CLASP1: variants seen among roughly 807,000 people sequenced by gnomAD.
CLASP1 encodes cytoplasmic linker associated protein 1, also known as CLIP-associating protein 1.
A neutral mutation model predicts 192.3 loss-of-function variants in CLASP1; 38 were observed. That is an observed-to-expected ratio of 0.20 (90% CI 0.15 to 0.26). The LOEUF (loss-of-function observed/expected upper bound fraction) is 0.26, where lower values mean the gene tolerates loss of function less well. Among genes scored for constraint, CLASP1 ranks in the 10% least tolerant of loss-of-function variants. CLASP1 has a pLI of 1.00. For synonymous variants in CLASP1, 691 were observed against 712.8 expected, an observed-to-expected ratio of 0.97 and a Z score of 0.49; for missense variants, 1,433 against 1,932.5, an observed-to-expected ratio of 0.74 and a Z score of 4.85.
Position 121,587,800 on chromosome 2 carries a change from C to T in CLASP1, c.195+17901G>A, listed in dbSNP as rs536844268. 1.8e-3 allele frequency among the ~76,000 whole-genome samples: 279 copies of T among 150,852 alleles called. 1 individual carries two copies. Among genetic ancestry groups the T allele is most frequent in the African/African-American group, 5.3e-3 (219 of 41,044 alleles). The stretch of plus-strand genomic sequence containing the variant: ...GAGCTGAGATCGCACCACTGCACTC[C>T]AGCCTGGACAACAGAATGAGACTCC... On this transcript the variant is annotated intron_variant, in intron 2 of 39. Transcript: ENST00000263710.
chr2:121,511,417 C>T (rs1254309728), intron 7 of CLASP1, among the ~76,000 whole-genome samples: 2 of 151,868 alleles, frequency 1.3e-5, no homozygotes, highest in African/African-American at 2.4e-5. Context: ...GGAGAAACCC[C>T]GTCTCTACTA....
At chr2:121,527,868 C>G in exon 5 of CLASP1, 1 of 1,613,878 alleles carries the variant, frequency 6.2e-7, no homozygotes, top group Non-Finnish European at 8.5e-7. Context: ...TTTGAAGCCT[C>G]CAAGCATTCT....
At chr2:121,440,479 C>T (rs1010836291) in intron 19 of CLASP1, among the ~76,000 whole-genome samples, 55 of 152,142 alleles carry the variant, frequency 3.6e-4, no homozygotes, top group African/African-American at 1.3e-3. Context: ...GCACGAGGGT[C>T]ACTTGAGTCC....
chr2:121,479,018 A>ACACACACAC (rs2092332468), intron 8 of CLASP1, among the ~76,000 whole-genome samples: 1 of 44,074 alleles, frequency 2.3e-5, no homozygotes, highest in African/African-American at 2.2e-4. Context: ...CACACACACC[A>ACACACACAC]CACACACACA....
intron 1 of CLASP1, among the ~76,000 whole-genome samples, chr2:121,633,496 G>A (rs2070205558): frequency 1.3e-5 from 2 of 152,168 alleles, no homozygotes; most frequent in South Asian, 4.1e-4. Flanking sequence ...GTAAGGATAT[G>A]AAAATACAAG....
At chr2:121,579,570 C>A (rs898206019) in intron 2 of CLASP1, among the ~76,000 whole-genome samples, 1 of 152,190 alleles carries the variant, frequency 6.6e-6, no homozygotes, top group Non-Finnish European at 1.5e-5. Flanking sequence ...GAGGAAGATG[C>A]AAGACATTCA....
intron 1 of CLASP1, among the ~76,000 whole-genome samples, chr2:121,606,623 A>G (rs2064452421): frequency 1.3e-5 from 2 of 152,230 alleles, no homozygotes; most frequent in Admixed American, 1.3e-4. Context: ...GGAAGGCTCT[A>G]TAGAAAACAC....
chr2:121,566,721 C>T (rs1274976675), intron 2 of CLASP1, among the ~76,000 whole-genome samples: 1 of 152,146 alleles, frequency 6.6e-6, no homozygotes, highest in East Asian at 1.9e-4. Context: ...CAAACTAGTA[C>T]CCAACTAGTT....
chr2:121,439,620 T>C (rs1574851560), intron 19 of CLASP1, among the ~76,000 whole-genome samples: 1 of 152,282 alleles, frequency 6.6e-6, no homozygotes, highest in East Asian at 1.9e-4. Flanking sequence ...TCAGTTTCCA[T>C]ATAGTTGAGC....
At chr2:121,343,392 C>T (rs1216244396) in intron 39 of CLASP1, among the ~76,000 whole-genome samples, 1 of 152,114 alleles carries the variant, frequency 6.6e-6, no homozygotes, top group African/African-American at 2.4e-5. Context: ...CAGCATTATT[C>T]ACAAGAGCCA....
chr2:121,477,075 T>C (rs2150027399), intron 8 of CLASP1, among the ~76,000 whole-genome samples: 1 of 152,342 alleles, frequency 6.6e-6, no homozygotes, highest in Non-Finnish European at 1.5e-5. Context: ...GCGTGTACCA[T>C]TTACTTCATT....
At chr2:121,549,302 A>G (rs967448540) in intron 2 of CLASP1, among the ~76,000 whole-genome samples, 3 of 152,242 alleles carry the variant, frequency 2.0e-5, no homozygotes. Flanking sequence ...ATTTCAGACA[A>G]AGAGACTTTA....
At chr2:121,538,250 A>AT (rs1293776596) in intron 2 of CLASP1, among the ~76,000 whole-genome samples, 2 of 89,826 alleles carry the variant, frequency 2.2e-5, no homozygotes, top group Non-Finnish European at 3.6e-5. Context: ...CCCGTCTCTA[A>AT]TCAAATACAA....
intron 2 of CLASP1, among the ~76,000 whole-genome samples, chr2:121,601,401 T>A (rs1161937540): frequency 6.6e-6 from 1 of 151,834 alleles, no homozygotes; most frequent in Non-Finnish European, 1.5e-5. Context: ...GCCTCCCAAG[T>A]AGCTGGGATT....
At chr2:121,374,411 G>A (rs937303764) in intron 34 of CLASP1, among the ~76,000 whole-genome samples, 2 of 152,260 alleles carry the variant, frequency 1.3e-5, no homozygotes, top group African/African-American at 4.8e-5. Flanking sequence ...TCTACTAGGG[G>A]AGACAGAGGA....
intron 1 of CLASP1, among the ~76,000 whole-genome samples, chr2:121,630,212 G>A (rs957361544): frequency 7.2e-5 from 11 of 152,090 alleles, no homozygotes; most frequent in Non-Finnish European, 1.5e-4. Flanking sequence ...GAGCCACCAC[G>A]CCCAGCCTCT....
chr2:121,412,632 C>T (rs1009816784), intron 23 of CLASP1, among the ~76,000 whole-genome samples: 4 of 152,036 alleles, frequency 2.6e-5, no homozygotes, highest in Non-Finnish European at 4.4e-5. Context: ...GCAATTCTTG[C>T]TCCAGGGAAT....
At chr2:121,530,513 G>C (rs1296164424) in intron 2 of CLASP1, 188 bp from the exon 3 acceptor site, 1 of 574,022 alleles carries the variant, frequency 1.7e-6, no homozygotes, top group Admixed American at 3.0e-5. Flanking sequence ...GCTATGTACA[G>C]CTATAATGGA....
chr2:121,485,728 G>A (rs2092928652), intron 8 of CLASP1, among the ~76,000 whole-genome samples: 1 of 152,098 alleles, frequency 6.6e-6, no homozygotes, highest in African/African-American at 2.4e-5. Flanking sequence ...AAGAATTAGG[G>A]CATGGTGGGG....
Sources: gnomAD v4.1 joint callset for allele counts (sites outside exome capture counted in the v4.1 genomes callset) on GRCh38, gnomAD v4.1.1 for gene constraint, MANE v1.5 for transcripts, NCBI Gene and HGNC (gene_info 2026-07-23, HGNC 2026-07-21) for gene names.